Variants in CD59 observed in about 807,000 individuals in gnomAD.
The protein encoded by CD59 is CD59 glycoprotein.
CD59 carries 3 observed loss-of-function variants against 7.0 expected under a neutral mutation model. The observed-to-expected ratio is 0.43, with a 90% CI of 0.19 to 1.10. The LOEUF (loss-of-function observed/expected upper bound fraction) is 1.10. Among genes scored for constraint, CD59 ranks in the 50% least tolerant of loss-of-function variants. The probability of loss-of-function intolerance (pLI) is 0.29; values close to 1 mark genes in which losing one functional copy is unlikely to be tolerated. For synonymous variants in CD59, 60 were observed against 62.0 expected (o/e 0.97, Z 0.15); for missense variants, 143 against 151.0 (o/e 0.95, Z 0.28).
rs73482997 is a variant in CD59 at position 33,722,729 on chromosome 11, A to G, written c.-18-266T>C. 5,205 of 1,241,566 alleles carry G rather than the reference A, an allele frequency of 4.2e-3. 192 individuals are homozygous for G. In the African/African-American group the frequency reaches 0.074, roughly 18 times the overall value. 76.9% of individuals were successfully genotyped at this position (1,241,566 alleles called of 1,614,324 possible). A position where few individuals can be genotyped will look rare whatever the true frequency, so the allele number is the denominator to read the frequency against. ...CCCATCAGGGTCAGTGAGTCAAATG[A>G]CAATATGAGCAAATTGACTCATATA... On this transcript the variant is annotated intron_variant, in intron 1 of 3. Coordinates refer to ENST00000642928, the MANE Select transcript of CD59 (RefSeq NM_000611.6).
intron 3 of CD59, among the ~76,000 whole-genome samples, chr11:33,712,967 A>C (rs1220668705): frequency 6.6e-6 from 1 of 152,160 alleles, no homozygotes; most frequent in Non-Finnish European, 1.5e-5. Context: ...AGTTTTTTTA[A>C]TTTGCCACAT....
intron 3 of CD59, among the ~76,000 whole-genome samples, chr11:33,710,556 C>T (rs1405572464): frequency 6.6e-6 from 1 of 152,032 alleles, no homozygotes; most frequent in African/African-American, 2.4e-5. Context: ...TCATCAGAGC[C>T]AGTATAGTTA....
chr11:33,730,835 G>A (rs966291536), intron 1 of CD59, among the ~76,000 whole-genome samples: 1 of 152,172 alleles, frequency 6.6e-6, no homozygotes, highest in Non-Finnish European at 1.5e-5. Context: ...AAGTCATGAT[G>A]TTACCAAAAA....
At chr11:33,711,210 T>C (rs1853542608) in intron 3 of CD59, among the ~76,000 whole-genome samples, 1 of 152,164 alleles carries the variant, frequency 6.6e-6, no homozygotes, top group African/African-American at 2.4e-5. Flanking sequence ...CTCACACCTG[T>C]AATCCCAACA....
At chr11:33,730,087 T>C (rs1347823751) in intron 1 of CD59, among the ~76,000 whole-genome samples, 1 of 152,180 alleles carries the variant, frequency 6.6e-6, no homozygotes, top group Non-Finnish European at 1.5e-5. Flanking sequence ...ATATAGATAC[T>C]AGTCTATTTT....
rs189441523 is a variant in CD59, at chr11:33,735,401, C to T, written c.-19+981G>A. Among the ~76,000 whole-genome samples, 357 of 151,788 alleles carry T rather than the reference C, an allele frequency of 2.4e-3. 1 individual carries two copies. The highest frequency in any genetic ancestry group is 4.1e-3 in the Non-Finnish European group (274 of 67,644). Reference sequence around the variant, plus strand: ...TCACTAAACGGCCATAAAAGGCACACTGCTTAATGTTGGTTTTTTTTGTTT... The same window carrying T: ...TCACTAAACGGCCATAAAAGGCACATTGCTTAATGTTGGTTTTTTTTGTTT... On this transcript the variant is annotated intron_variant, in intron 1 of 3. Coordinates refer to ENST00000642928, the MANE Select transcript of CD59 (RefSeq NM_000611.6).
At chr11:33,730,404 A>T (rs186257030) in intron 1 of CD59, among the ~76,000 whole-genome samples, 162 of 152,294 alleles carry the variant, frequency 1.1e-3, no homozygotes, top group African/African-American at 3.7e-3. Flanking sequence ...ACAGAGTAAG[A>T]CCCTGTCTCA....
chr11:33,720,286 T>C (rs1280913226), intron 2 of CD59, among the ~76,000 whole-genome samples: 1 of 152,260 alleles, frequency 6.6e-6, no homozygotes, highest in African/African-American at 2.4e-5. Context: ...GTGACCGAGC[T>C]GAGCTCAAAC....
intron 1 of CD59, among the ~76,000 whole-genome samples, chr11:33,728,608 T>C (rs1295589016): frequency 1.3e-5 from 2 of 152,172 alleles, no homozygotes. Context: ...GACATAGGCA[T>C]GGACAAAGAC....
chr11:33,712,348 T>C (rs1464688239), intron 3 of CD59, among the ~76,000 whole-genome samples: 2 of 152,194 alleles, frequency 1.3e-5, no homozygotes, highest in East Asian at 3.8e-4. Flanking sequence ...CATGGCACCA[T>C]GATTCAAAAT....
rs184831477 is a variant in CD59 at position 33,720,686 on chromosome 11, G to A, written c.67+1693C>T. 3.7e-3 allele frequency among the ~76,000 whole-genome samples: 562 copies of A among 152,284 alleles called. 12 individuals carry two copies. The highest frequency in any genetic ancestry group is 1.7e-3 in the Non-Finnish European group (115 of 68,016). On this transcript the variant is annotated intron_variant, in intron 2 of 3. Transcript: ENST00000642928. The stretch of plus-strand genomic sequence containing the variant: ...GGAGGTTGCAGTGAGCCGAGATCGC[G>A]CCACTGCGCTCCAGCCTGGGCGACA...
At chr11:33,726,697 T>G (rs544635580) in intron 1 of CD59, among the ~76,000 whole-genome samples, 1 of 152,084 alleles carries the variant, frequency 6.6e-6, no homozygotes, top group African/African-American at 2.4e-5. Context: ...GTGAAGGAGA[T>G]AGAGATACAA....
intron 1 of CD59, chr11:33,722,743 T>C (rs1315460640): frequency 2.5e-5 from 30 of 1,191,544 alleles, no homozygotes; most frequent in African/African-American, 7.9e-5. Flanking sequence ...TATGAGCAAA[T>C]TGACTCATAT....
rs1564967946 is a variant in CD59 at position 33,709,036 on chromosome 11, A to G, written c.*1090T>C. The G allele has an allele frequency of 1.3e-5, 2 of 152,236 alleles. No homozygotes were observed. Among genetic ancestry groups the G allele is most frequent in the Admixed American group, 1.3e-4 (2 of 15,280 alleles). The allele number at this position is 152,236 out of a possible 1,614,324, so 9.4% of individuals were successfully genotyped here. ...TCACTAGAATACACAGGGAAAAGGA[A>G]AAAGTTTGCCCTTGTGAAAGGTGTG... On this transcript the variant is annotated 3_prime_UTR_variant, in exon 4 of 4. Coordinates refer to ENST00000642928, the MANE Select transcript of CD59 (RefSeq NM_000611.6).
intron 1 of CD59, among the ~76,000 whole-genome samples, chr11:33,724,606 G>T (rs1854197039): frequency 6.6e-6 from 1 of 152,186 alleles, no homozygotes; most frequent in South Asian, 2.1e-4. Context: ...GAAATTGTGT[G>T]GGGAGGGAGT....
At chr11:33,727,988 G>A (rs979725124) in intron 1 of CD59, among the ~76,000 whole-genome samples, 1 of 152,116 alleles carries the variant, frequency 6.6e-6, no homozygotes, top group African/African-American at 2.4e-5. Flanking sequence ...TCTTCAGGGA[G>A]AACTACAAAC....
rs552731685 is a variant in CD59, at chr11:33,714,085, A to G, written c.169+3285T>C. Reference sequence around the variant, plus strand: ...CCTTGCTTACACTTCCATGGTTTATACTGCTAGGATGCCAGTAAATATTGG... The same window carrying G: ...CCTTGCTTACACTTCCATGGTTTATGCTGCTAGGATGCCAGTAAATATTGG... On this transcript the variant is annotated intron_variant, in intron 3 of 3. Coordinates refer to ENST00000642928, the MANE Select transcript of CD59 (RefSeq NM_000611.6). Among the ~76,000 whole-genome samples the G allele has an allele frequency of 8.5e-5, 13 of 152,344 alleles. No homozygotes were observed. In the South Asian group the frequency reaches 2.3e-3, roughly 27 times the overall value.
Position 33,710,248 on chromosome 11 carries a change from A to G in CD59, c.265T>C (p.Cys89Arg). Residue 89 changes from cysteine to arginine, a missense_variant, in exon 4 of 4, where the codon TGC becomes CGC. Transcript: ENST00000642928. ...LRENELTYYC[C>R]KKDLCNFNEQ... ...TTAAAGTTACACAGGTCCTTCTTGCAGCAGTAGTACGTTAGCTCATTTTCC... is the reference window on the plus strand; with the variant it reads ...TTAAAGTTACACAGGTCCTTCTTGCGGCAGTAGTACGTTAGCTCATTTTCC... 2 of 1,614,188 alleles carry G rather than the reference A, an allele frequency of 1.2e-6. No homozygotes were observed. Among genetic ancestry groups the G allele is most frequent in the Non-Finnish European group, 1.7e-6 (2 of 1,180,002 alleles).
In CD59 at chr11:33,708,589, C is replaced by T; in HGVS notation, c.*1537G>A. ...CCGGTGGCTGTGGGCATGGTCAGTA[C>T]TTCCTCAGGCCAAAAAAAAAAAAAA... On this transcript the variant is annotated 3_prime_UTR_variant, in exon 4 of 4. Coordinates refer to ENST00000642928, the MANE Select transcript of CD59 (RefSeq NM_000611.6). 6.9e-6 allele frequency: 1 copy of T among 145,090 alleles called. No homozygotes were observed. The highest frequency in any genetic ancestry group is 2.6e-5 in the African/African-American group (1 of 38,668). The allele number at this position is 145,090 out of a possible 1,614,324, so 9.0% of individuals were successfully genotyped here.
Sources: allele counts gnomAD v4.1 joint callset (sites outside exome capture counted in the v4.1 genomes callset), GRCh38; gene constraint gnomAD v4.1.1; transcripts MANE v1.5; gene names NCBI Gene and HGNC (gene_info 2026-07-23, HGNC 2026-07-21).